KIAA0319L: variants seen among roughly 807,000 people sequenced by gnomAD.
KIAA0319L encodes the protein KIAA0319 like, also known as dyslexia-associated protein KIAA0319-like protein.
In KIAA0319L, 55 loss-of-function variants were observed where a neutral mutation model predicts 120.1. That is an observed-to-expected ratio of 0.46 (90% confidence interval 0.37 to 0.57). The LOEUF (loss-of-function observed/expected upper bound fraction) is 0.57. Among genes scored for constraint, KIAA0319L ranks in the 20% least tolerant of loss-of-function variants. KIAA0319L has a pLI of 0.00. For synonymous variants in KIAA0319L, 398 were observed against 471.9 expected, an observed-to-expected ratio of 0.84 and a Z score of 2.03; for missense variants, 1,049 against 1,255.3, an observed-to-expected ratio of 0.84 and a Z score of 2.48.
chr1:35,493,832 G>A (rs1644693109), intron 3 of KIAA0319L, among the ~76,000 whole-genome samples: 1 of 151,800 alleles, frequency 6.6e-6, no homozygotes, highest in Non-Finnish European at 1.5e-5. Context: ...GTGACAAAGT[G>A]AGACCCTATC....
In KIAA0319L at chr1:35,466,595, G is replaced by A. The variant is rs747080387; in HGVS notation, c.1201+13C>T. 1 of 1,586,370 alleles carries A rather than the reference G, an allele frequency of 6.3e-7. No homozygotes were observed. Among genetic ancestry groups the A allele is most frequent in the Non-Finnish European group, 8.7e-7 (1 of 1,155,108 alleles). Reference sequence around the variant, plus strand: ...AGGGAGGAAGGGAGACACAGCCAGGGCTGAAAACATACCTGGCTTGACTGT... The same window carrying A: ...AGGGAGGAAGGGAGACACAGCCAGGACTGAAAACATACCTGGCTTGACTGT... On this transcript the variant is annotated intron_variant, in intron 7 of 20. Coordinates refer to ENST00000325722, the MANE Select transcript of KIAA0319L (RefSeq NM_024874.5).
At chr1:35,517,356 A>T (rs998806992) in intron 2 of KIAA0319L, among the ~76,000 whole-genome samples, 5 of 152,196 alleles carry the variant, frequency 3.3e-5, no homozygotes, top group African/African-American at 7.2e-5. Context: ...TAATGGTACA[A>T]AAATTGGCAC....
intron 3 of KIAA0319L, among the ~76,000 whole-genome samples, chr1:35,498,690 T>C (rs1007214415): frequency 5.9e-5 from 9 of 152,106 alleles, no homozygotes; most frequent in Admixed American, 5.9e-4. Context: ...CCATTTTGAG[T>C]AGGAGTCTGT....
At position 35,557,191 on chromosome 1, in the gene KIAA0319L, G is replaced by A. The variant is rs1648231611; in HGVS notation, c.-29+16C>T. 6.0e-6 allele frequency: 1 copy of A among 167,838 alleles called. No homozygotes were observed. The highest frequency in any genetic ancestry group is 1.3e-5 in the Non-Finnish European group (1 of 76,404). 10.4% of individuals were successfully genotyped at this position (167,838 alleles called of 1,614,324 possible). ...ATGGTCCTCGGCCTGGCAGCCAGCC[G>A]CCCCCGGCCACCTACCGGGGCTCAG... On this transcript the variant is annotated intron_variant, in intron 1 of 20. Coordinates refer to ENST00000325722, the MANE Select transcript of KIAA0319L (RefSeq NM_024874.5).
At chr1:35,485,584 T>A (rs1644357419) in intron 3 of KIAA0319L, among the ~76,000 whole-genome samples, 1 of 152,220 alleles carries the variant, frequency 6.6e-6, no homozygotes, top group Non-Finnish European at 1.5e-5. Flanking sequence ...ATCGTAGCCC[T>A]TCTATGGCTC....
intron 14 of KIAA0319L, 61 bp downstream of exon 14, chr1:35,450,297 G>T: frequency 6.6e-7 from 1 of 1,519,538 alleles, no homozygotes; most frequent in South Asian, 1.2e-5. Flanking sequence ...GCATATACTG[G>T]AACGCGTGGC....
At chr1:35,468,236 A>G (rs1315741359) in intron 6 of KIAA0319L, among the ~76,000 whole-genome samples, 2 of 150,872 alleles carry the variant, frequency 1.3e-5, no homozygotes, top group South Asian at 2.1e-4. Context: ...TTTCCTCTTT[A>G]TAACACTCTT....
chr1:35,508,868 C>G (rs1635718), intron 2 of KIAA0319L, among the ~76,000 whole-genome samples: 35,099 of 152,010 alleles, frequency 0.23, 8,638 homozygotes, highest in African/African-American at 0.58. Context: ...GTGCTTTTTT[C>G]TAAGCTGATA....
intron 7 of KIAA0319L, among the ~76,000 whole-genome samples, chr1:35,463,726 T>C (rs1643060227): frequency 6.6e-6 from 1 of 152,230 alleles, no homozygotes; most frequent in Admixed American, 6.5e-5. Context: ...ATGCTGTATA[T>C]GTACCACTGT....
intron 2 of KIAA0319L, among the ~76,000 whole-genome samples, chr1:35,524,322 CT>C (rs1301460845): frequency 2.0e-5 from 3 of 152,178 alleles, no homozygotes; most frequent in African/African-American, 7.2e-5. Flanking sequence ...AAAATGCCTT[CT>C]TTTGTGTCCA....
At position 35,454,403 on chromosome 1, in the gene KIAA0319L, C is replaced by G. The variant is rs1477183674; in HGVS notation, c.1739G>C (p.Gly580Ala). 6.2e-7 allele frequency: 1 copy of G among 1,614,128 alleles called. No homozygotes were observed. Among genetic ancestry groups the G allele is most frequent in the Non-Finnish European group, 8.5e-7 (1 of 1,179,972 alleles). The change falls in exon 11 of 21, where the codon GGA becomes GCA. Residue 580 changes from glycine (G) to alanine (A), a missense_variant. Coordinates refer to ENST00000325722, the MANE Select transcript of KIAA0319L (RefSeq NM_024874.5). ...TYQLTVTDTI[G>A]QQATAQVTVI... Reference sequence around the variant, plus strand: ...AGTCACTTGAGCAGTGGCCTGCTGTCCTATTGTGTCAGTCACTGTGAGCTG... The same window carrying G: ...AGTCACTTGAGCAGTGGCCTGCTGTGCTATTGTGTCAGTCACTGTGAGCTG...
chr1:35,514,949 A>G (rs754396674), intron 2 of KIAA0319L, among the ~76,000 whole-genome samples: 13 of 152,192 alleles, frequency 8.5e-5, no homozygotes, highest in Non-Finnish European at 1.8e-4. Flanking sequence ...TTCTTCTTAT[A>G]GACACATGGC....
chr1:35,490,399 T>C (rs1463556841), intron 3 of KIAA0319L, among the ~76,000 whole-genome samples: 1 of 152,010 alleles, frequency 6.6e-6, no homozygotes, highest in Non-Finnish European at 1.5e-5. Context: ...AGAACAAAGC[T>C]CAAGAATATT....
At chr1:35,469,579 C>T (rs952208620) in intron 6 of KIAA0319L, among the ~76,000 whole-genome samples, 1 of 151,638 alleles carries the variant, frequency 6.6e-6, no homozygotes, top group Non-Finnish European at 1.5e-5. Context: ...GCCCAGTGGA[C>T]ATGTTGCTTC....
chr1:35,464,505 G>A (rs926864562), intron 7 of KIAA0319L, among the ~76,000 whole-genome samples: 5 of 152,320 alleles, frequency 3.3e-5, no homozygotes, highest in Admixed American at 3.3e-4. Context: ...GGTGACTTGG[G>A]TGCTGTTAAA....
chr1:35,542,730 C>T (rs983602091), intron 2 of KIAA0319L, among the ~76,000 whole-genome samples: 3 of 152,194 alleles, frequency 2.0e-5, no homozygotes, highest in African/African-American at 7.2e-5. Context: ...GCCAGTTTCA[C>T]ACAATGCCTT....
chr1:35,512,522 G>T lies in KIAA0319L; in HGVS notation c.143-5387C>A, dbSNP rs535385098. ...GATCAATAAAGCTGATAAATCTCTA[G>T]TCGGACTGACCACGGGAAAAAAAAG... On this transcript the variant is annotated intron_variant, in intron 2 of 20. Transcript: ENST00000325722. Among the ~76,000 whole-genome samples, 26 of 152,140 alleles carry T rather than the reference G, an allele frequency of 1.7e-4. 1 individual carries two copies. In the South Asian group the frequency reaches 5.0e-3, roughly 29 times the overall value.
intron 20 of KIAA0319L, chr1:35,438,458 A>C (rs1640951590): frequency 6.6e-6 from 1 of 151,202 alleles, no homozygotes; most frequent in African/African-American, 2.4e-5. Context: ...CATTCTATCT[A>C]ACTTCCTTTC....
chr1:35,475,014 C>A, intron 4 of KIAA0319L, 108 bp from the exon 5 acceptor site: 1 of 643,212 alleles, frequency 1.6e-6, no homozygotes, highest in South Asian at 1.9e-5. Context: ...CAGCTACTGC[C>A]ATCAATTACT....
Sources: gnomAD v4.1 joint callset for allele counts (sites outside exome capture counted in the v4.1 genomes callset) on GRCh38, gnomAD v4.1.1 for gene constraint, MANE v1.5 for transcripts, NCBI Gene and HGNC (gene_info 2026-07-23, HGNC 2026-07-21) for gene names.